The following MTREX variants were observed in gnomAD, a reference collection of about 807,000 sequenced individuals.
MTREX encodes the protein Mtr4 exosome RNA helicase.
Under a neutral mutation model 135.4 loss-of-function variants are expected in MTREX, and 76 were observed. The observed-to-expected ratio is 0.56, with a 90% confidence interval of 0.47 to 0.68. The LOEUF (loss-of-function observed/expected upper bound fraction) is 0.68, where lower values mean the gene tolerates loss of function less well. MTREX is among the 30% of genes least tolerant of loss of function. The pLI, the probability that MTREX is intolerant of heterozygous loss-of-function variation, is 0.00. For missense variants in MTREX, 920 were observed against 1,262.1 expected, an observed-to-expected ratio of 0.73 and a Z score of 4.11; for synonymous variants, 404 against 401.6, an observed-to-expected ratio of 1.01 and a Z score of -0.07.
At position 55,405,414 on chromosome 5, in the gene MTREX, A is replaced by G; in HGVS notation, c.2482-11A>G. 3.7e-6 allele frequency: 6 copies of G among 1,604,730 alleles called. No individual in the cohort carries two copies. Among genetic ancestry groups the G allele is most frequent in the African/African-American group, 1.3e-5 (1 of 74,822 alleles). ...ATTATTGAACTTTCTTTATACTTTC[A>G]TGTGCTTTAGATTGCAATAGATATT... On this transcript the variant is annotated splice_polypyrimidine_tract_variant and intron_variant, in intron 21 of 26. Transcript: ENST00000230640.
intron 7 of MTREX, among the ~76,000 whole-genome samples, chr5:55,343,037 T>TC (rs1749676489): frequency 6.6e-6 from 1 of 152,222 alleles, no homozygotes. Flanking sequence ...GAAATACTGT[T>TC]CCGCTGCCTT....
intron 1 of MTREX, among the ~76,000 whole-genome samples, chr5:55,321,733 C>T (rs1749293328): frequency 1.3e-5 from 2 of 151,364 alleles, no homozygotes; most frequent in Admixed American, 6.6e-5. Context: ...CCCAGCCTCT[C>T]GAGTAGCTGG....
In MTREX at chr5:55,361,363, G is replaced by C. The variant is rs188228710; in HGVS notation, c.1659+2665G>C. On this transcript the variant is annotated intron_variant, in intron 15 of 26. Transcript: ENST00000230640. ...TCATATTTAATTATTTTTCCTATTG[G>C]TGTTAGAAACATGGCAAAATACATG... Among the ~76,000 whole-genome samples, 91 of 152,146 alleles carry C rather than the reference G, an allele frequency of 6.0e-4. No homozygotes were observed. In the East Asian group the frequency reaches 0.015, roughly 25 times the overall value.
chr5:55,424,732 TCAAGAGAGA>T lies in MTREX; in HGVS notation c.3090_3098del (p.Lys1031_Asp1033del). 6.2e-7 allele frequency: 1 copy of T among 1,612,092 alleles called. No homozygotes were observed. Among genetic ancestry groups the T allele is most frequent in the Non-Finnish European group, 8.5e-7 (1 of 1,178,254 alleles). ...TCTTTTCTCTTAGGAATCACCAAAATCAAGAGAGATATTGTGTTTGCTGCCAGCCTCTAC... is the reference window on the plus strand; with the variant it reads ...TCTTTTCTCTTAGGAATCACCAAAATTATTGTGTTTGCTGCCAGCCTCTAC... On this transcript the variant is annotated inframe_deletion, in exon 27 of 27. Coordinates refer to ENST00000230640, the MANE Select transcript of MTREX (RefSeq NM_015360.5).
intron 15 of MTREX, among the ~76,000 whole-genome samples, chr5:55,359,105 T>A (rs1480903388): frequency 2.0e-5 from 3 of 152,254 alleles, no homozygotes; most frequent in Admixed American, 2.0e-4. Flanking sequence ...GCAGATAGCT[T>A]AATAGGTTAA....
At position 55,387,996 on chromosome 5, in the gene MTREX, C is replaced by T; in HGVS notation, c.2075C>T (p.Pro692Leu). Residue 692 changes from proline to leucine, a missense_variant, in exon 19 of 27, where the codon CCT becomes CTT. Around this residue, in one of 6 missense-constraint regions of MTREX, gnomAD observed 467 missense variants for 589.7 expected, o/e 0.79. Coordinates refer to ENST00000230640, the MANE Select transcript of MTREX (RefSeq NM_015360.5). ...NVKPNSGELD[P>L]LYVVEVLLRC... ...TAGCCTAACTCTGGTGAACTGGATC[C>T]TTTGTATGTAGTAGAAGTACTTCTG... 6.3e-7 allele frequency: 1 copy of T among 1,598,376 alleles called. No individual in the cohort carries two copies. Among genetic ancestry groups the T allele is most frequent in the Middle Eastern group, 1.7e-4 (1 of 5,978 alleles).
At chr5:55,355,682 C>G (rs12374543) in intron 14 of MTREX, among the ~76,000 whole-genome samples, 5,059 of 152,268 alleles carry the variant, frequency 0.033, 114 homozygotes, top group Non-Finnish European at 0.049. Context: ...CAGGAGATGT[C>G]TTTGTGGGGG....
intron 19 of MTREX, among the ~76,000 whole-genome samples, chr5:55,392,486 T>C (rs1232020289): frequency 3.4e-5 from 5 of 145,872 alleles, no homozygotes; most frequent in Admixed American, 7.2e-5. Flanking sequence ...GAGGTTGCAG[T>C]GAGCCAAGAT....
chr5:55,358,834 A>C, intron 15 of MTREX, 136 bp downstream of exon 15: 1 of 660,996 alleles, frequency 1.5e-6, no homozygotes, highest in South Asian at 2.7e-5. Context: ...GCTTGGGAAG[A>C]TGGAAGGGTG....
At chr5:55,364,504 A>T (rs1198042931) in intron 15 of MTREX, among the ~76,000 whole-genome samples, 1 of 152,238 alleles carries the variant, frequency 6.6e-6, no homozygotes, top group East Asian at 1.9e-4. Context: ...TTCAGTACCT[A>T]CAGGGACTTT....
chr5:55,400,477 A>G, intron 21 of MTREX, 56 bp downstream of exon 21: 2 of 1,200,616 alleles, frequency 1.7e-6, no homozygotes, highest in East Asian at 2.4e-5. Flanking sequence ...CTGAATAAAT[A>G]TGTGTTTGTC....
chr5:55,411,388 C>CTA (rs1302709948), intron 23 of MTREX, among the ~76,000 whole-genome samples: 1 of 152,084 alleles, frequency 6.6e-6, no homozygotes, highest in East Asian at 1.9e-4. Flanking sequence ...GGACCTTTTA[C>CTA]TATACATACT....
intron 5 of MTREX, among the ~76,000 whole-genome samples, chr5:55,339,405 G>A (rs185756565): frequency 6.6e-6 from 1 of 152,204 alleles, no homozygotes; most frequent in Non-Finnish European, 1.5e-5. Flanking sequence ...CCTATTCTGG[G>A]CAGGAGCTGA....
intron 15 of MTREX, among the ~76,000 whole-genome samples, chr5:55,359,522 A>G (rs1333957886): frequency 6.6e-6 from 1 of 150,686 alleles, no homozygotes; most frequent in African/African-American, 2.4e-5. Context: ...TGTTGAAGCA[A>G]AATTGATGAA....
At chr5:55,352,716 C>T (rs1347021057) in intron 13 of MTREX, among the ~76,000 whole-genome samples, 1 of 152,074 alleles carries the variant, frequency 6.6e-6, no homozygotes, top group East Asian at 1.9e-4. Flanking sequence ...TCCTTTTGTA[C>T]CTAAACCACT....
At chr5:55,405,735 A>C in intron 22 of MTREX, 147 bp downstream of exon 22, 1 of 537,586 alleles carries the variant, frequency 1.9e-6, no homozygotes, top group Non-Finnish European at 3.2e-6. Context: ...TCCGCCTCGC[A>C]GTTTTAAGTG....
intron 22 of MTREX, among the ~76,000 whole-genome samples, chr5:55,410,303 T>C (rs1317237257): frequency 6.6e-6 from 1 of 152,186 alleles, no homozygotes; most frequent in African/African-American, 2.4e-5. Context: ...CATTTTGATA[T>C]TTGGAATCTT....
intron 14 of MTREX, among the ~76,000 whole-genome samples, chr5:55,355,389 G>T (rs1309828686): frequency 1.3e-5 from 2 of 152,164 alleles, no homozygotes; most frequent in African/African-American, 2.4e-5. Context: ...GCCCTCAAGG[G>T]TCCCATTCCC....
intron 19 of MTREX, among the ~76,000 whole-genome samples, chr5:55,393,138 G>A (rs948962705): frequency 3.3e-5 from 5 of 152,196 alleles, no homozygotes; most frequent in African/African-American, 9.6e-5. Context: ...GGAAGCTAAG[G>A]AGTGGGAGAT....
Sources: allele counts gnomAD v4.1 joint callset (sites outside exome capture counted in the v4.1 genomes callset), GRCh38; gene constraint gnomAD v4.1.1; regional missense constraint gnomAD v4.1.1; transcripts MANE v1.5; gene names NCBI Gene and HGNC (gene_info 2026-07-23, HGNC 2026-07-21).